LAMB1: variants seen among roughly 807,000 people sequenced by gnomAD.
The protein encoded by LAMB1 is laminin subunit beta-1.
LAMB1 carries 121 observed loss-of-function variants against 222.3 expected under a neutral mutation model. The observed-to-expected ratio is 0.54, with a 90% CI of 0.47 to 0.63. The LOEUF is 0.63. Among genes scored for constraint, LAMB1 ranks in the 30% least tolerant of loss-of-function variants. LAMB1 has a pLI of 0.00. For missense variants in LAMB1, 2,172 were observed against 2,240.8 expected (o/e 0.97, Z 0.62); for synonymous variants, 794 against 807.2 (o/e 0.98, Z 0.28).
intron 12 of LAMB1, among the ~76,000 whole-genome samples, chr7:107,974,065 T>A (rs758977558): frequency 6.6e-6 from 1 of 152,174 alleles, no homozygotes; most frequent in Non-Finnish European, 1.5e-5. Context: ...GTATGAGTCA[T>A]CACACCTGAC....
rs996627605 is a variant in LAMB1 at position 107,980,537 on chromosome 7, G to A, written c.879+72C>T. ...CCCCAGAAAATGTAAAAGGCTTAAG[G>A]TAAGACTAGCTTCACTTTGCATTTT... is the stretch of plus-strand genomic sequence containing the variant. On this transcript the variant is annotated intron_variant, in intron 8 of 33. Coordinates refer to ENST00000222399, the MANE Select transcript of LAMB1 (RefSeq NM_002291.3). 3 of 1,264,218 alleles carry A rather than the reference G, an allele frequency of 2.4e-6. No homozygotes were observed. In the African/African-American group the frequency reaches 4.4e-5, roughly 19 times the overall value. 78.3% of individuals were successfully genotyped at this position (1,264,218 alleles called of 1,614,324 possible). A position where few individuals can be genotyped will look rare whatever the true frequency, so the allele number is the denominator to read the frequency against.
chr7:107,983,314 G>A (rs983707542), intron 7 of LAMB1, among the ~76,000 whole-genome samples: 1 of 151,986 alleles, frequency 6.6e-6, no homozygotes, highest in South Asian at 2.1e-4. Context: ...GTGCAGCTGG[G>A]AAAGATCAGC....
intron 32 of LAMB1, 45 bp from the exon 33 acceptor site, chr7:107,924,434 C>T (rs2032511879): frequency 1.4e-6 from 2 of 1,463,262 alleles, no homozygotes; most frequent in East Asian, 4.6e-5. Context: ...ATGTTAGTGT[C>T]AGTAATTACA....
rs899265875 is a variant in LAMB1, at chr7:107,945,776, T to C, written c.3392-5418A>G. Among the ~76,000 whole-genome samples, 7 of 152,204 alleles carry C rather than the reference T, an allele frequency of 4.6e-5. 1 individual carries two copies. The highest frequency in any genetic ancestry group is 2.0e-4 in the Admixed American group (3 of 15,280). On this transcript the variant is annotated intron_variant, in intron 24 of 33. Coordinates refer to ENST00000222399, the MANE Select transcript of LAMB1 (RefSeq NM_002291.3). ...GCAAGGATAAAATTAAGAATACTTA[T>C]ATAATATGCCTAAAAGTGCTTGGCA...
intron 31 of LAMB1, among the ~76,000 whole-genome samples, chr7:107,928,712 T>C (rs767908017): frequency 1.1e-4 from 16 of 152,176 alleles, no homozygotes; most frequent in Non-Finnish European, 2.1e-4. Context: ...ACGCTGGTCT[T>C]GAACTACTGA....
At chr7:107,929,292 T>A (rs1471584441) in intron 30 of LAMB1, 87 bp from the exon 31 acceptor site, 9 of 1,542,690 alleles carry the variant, frequency 5.8e-6, no homozygotes, top group Non-Finnish European at 7.1e-6. Flanking sequence ...ATAGCCTTCC[T>A]GAAATGACCC....
In LAMB1 at chr7:107,940,290, C is replaced by A. The variant is rs146247883; in HGVS notation, c.3460G>T (p.Val1154Phe). Residue 1154 changes from valine (V) to phenylalanine (F), a missense_variant, in exon 25 of 34, where the codon GTT (valine) becomes TTT (phenylalanine). Coordinates refer to ENST00000222399, the MANE Select transcript of LAMB1 (RefSeq NM_002291.3). Reference protein sequence around the residue: ...CDQSTGQCVCVEGVEGPRCDK... With the variant: ...CDQSTGQCVCFEGVEGPRCDK... ...CAGCGTGGACCCTCAACACCCTCAA[C>A]GCAGACACACTGGCCCGTGGACTGG... 6 of 1,614,204 alleles carry A rather than the reference C, an allele frequency of 3.7e-6. No homozygotes were observed. The highest frequency in any genetic ancestry group is 3.4e-6 in the Non-Finnish European group (4 of 1,180,028).
chr7:107,939,287 G>C (rs1046585357), intron 25 of LAMB1, among the ~76,000 whole-genome samples: 2 of 151,902 alleles, frequency 1.3e-5, no homozygotes, highest in Non-Finnish European at 1.5e-5. Context: ...CCTTGAGAAG[G>C]TCAATTCTCT....
At chr7:108,000,812 G>A (rs761716646) in intron 3 of LAMB1, among the ~76,000 whole-genome samples, 1 of 152,228 alleles carries the variant, frequency 6.6e-6, no homozygotes, top group African/African-American at 2.4e-5. Context: ...TAAGTGCTGG[G>A]ATTACAGGCA....
At chr7:107,958,875 C>T (rs1183990940) in intron 20 of LAMB1, among the ~76,000 whole-genome samples, 1 of 152,160 alleles carries the variant, frequency 6.6e-6, no homozygotes, top group African/African-American at 2.4e-5. Context: ...TGACTAATCC[C>T]ATTTGGATTA....
chr7:107,964,339 T>G (rs2033580066), intron 14 of LAMB1, among the ~76,000 whole-genome samples: 1 of 152,222 alleles, frequency 6.6e-6, no homozygotes, highest in South Asian at 2.1e-4. Flanking sequence ...ACCAAAAGCC[T>G]TATCAGTGAA....
At chr7:107,961,766 G>T in intron 15 of LAMB1, 90 bp from the exon 16 acceptor site, 1 of 1,406,356 alleles carries the variant, frequency 7.1e-7, no homozygotes, top group Non-Finnish European at 9.7e-7. Flanking sequence ...TTGCCAAGTT[G>T]AAATGGAAAA....
At chr7:107,930,050 T>C (rs2032667930) in intron 29 of LAMB1, 1 of 167,950 alleles carries the variant, frequency 6.0e-6, no homozygotes, top group African/African-American at 2.4e-5. Flanking sequence ...TTAAAGGCAA[T>C]GAAATCTTTT....
At chr7:108,000,229 T>C (rs1031833511) in intron 3 of LAMB1, among the ~76,000 whole-genome samples, 1 of 152,252 alleles carries the variant, frequency 6.6e-6, no homozygotes, top group East Asian at 1.9e-4. Flanking sequence ...AAAGTTTAAT[T>C]ACAGCCTCCC....
At chr7:107,966,106 T>A (rs2033629923) in intron 13 of LAMB1, among the ~76,000 whole-genome samples, 1 of 150,298 alleles carries the variant, frequency 6.7e-6, no homozygotes. Context: ...TCAAAATAAA[T>A]AAATAAATAA....
At chr7:107,936,175 C>T (rs776939868) in intron 26 of LAMB1, 1 of 153,040 alleles carries the variant, frequency 6.5e-6, no homozygotes, top group Non-Finnish European at 1.5e-5. Context: ...CAACTATTTA[C>T]ATAGCATTTA....
intron 20 of LAMB1, among the ~76,000 whole-genome samples, chr7:107,957,974 T>C (rs1484218127): frequency 6.6e-6 from 1 of 152,172 alleles, no homozygotes; most frequent in Non-Finnish European, 1.5e-5. Context: ...ACTATGCCAT[T>C]CTGACATGAT....
chr7:107,959,605 A>G (rs751223101), intron 19 of LAMB1, 86 bp downstream of exon 19: 3 of 1,612,628 alleles, frequency 1.9e-6, no homozygotes. Flanking sequence ...TTCAGGAGGG[A>G]AGCATCGGCT....
At chr7:107,937,500 C>T (rs1313022925) in intron 25 of LAMB1, among the ~76,000 whole-genome samples, 1 of 152,114 alleles carries the variant, frequency 6.6e-6, no homozygotes, top group East Asian at 1.9e-4. Context: ...ACAGAAGTAC[C>T]ACTCAGCTGA....
Sources: allele counts gnomAD v4.1 joint callset (sites outside exome capture counted in the v4.1 genomes callset), GRCh38; gene constraint gnomAD v4.1.1; transcripts MANE v1.5; gene names NCBI Gene and HGNC (gene_info 2026-07-23, HGNC 2026-07-21).